Variants in UROC1 observed in about 807,000 individuals in gnomAD.
UROC1 encodes urocanate hydratase 1.
In UROC1, 79 loss-of-function variants were observed where a neutral mutation model predicts 89.5. The ratio of observed to expected loss-of-function variants is 0.88; its 90% CI spans 0.74 to 1.06. UROC1 has a LOEUF of 1.06. UROC1 is among the 50% of genes least tolerant of loss of function. UROC1 has a pLI of 0.00. For missense variants in UROC1, 885 were observed against 907.8 expected, an observed-to-expected ratio of 0.97 and a Z score of 0.32; for synonymous variants, 361 against 354.8, an observed-to-expected ratio of 1.02 and a Z score of -0.20.
At chr3:126,506,326 C>T (rs1209052583) in intron 6 of UROC1, among the ~76,000 whole-genome samples, 1 of 152,194 alleles carries the variant, frequency 6.6e-6, no homozygotes, top group Non-Finnish European at 1.5e-5. Context: ...GCCCACACTA[C>T]ATGCTTACGC....
Position 126,510,697 on chromosome 3 carries a change from T to C in UROC1, c.224A>G (p.Tyr75Cys), listed in dbSNP as rs146872522. The C allele has an allele frequency of 2.7e-5, 44 of 1,614,068 alleles. No individual in the cohort carries two copies. Among genetic ancestry groups the C allele is most frequent in the Non-Finnish European group, 3.6e-5 (42 of 1,180,050 alleles). The change falls in exon 2 of 20, where the codon TAC (tyrosine) becomes TGC (cysteine). Residue 75 changes from tyrosine (Y) to cysteine (C), a missense_variant. Tyr to Cys is a radical substitution (Grantham distance 194). Coordinates refer to ENST00000290868, the MANE Select transcript of UROC1 (RefSeq NM_144639.3). ...AQELQLYGHI[Y>C]MYRFCPDIEM... is the part of the protein sequence containing the mutation. ...AATGTCGGGGCAAAACCGGTACATGTAGATGTGTCCGTACAGTTGCAGCTC... is the reference window on the plus strand; with the variant it reads ...AATGTCGGGGCAAAACCGGTACATGCAGATGTGTCCGTACAGTTGCAGCTC...
rs758990066 is a variant in UROC1 at position 126,505,706 on chromosome 3, C to T, written c.808G>A (p.Ala270Thr). Residue 270 changes from alanine to threonine, a missense_variant, in exon 8 of 20, where the codon GCA becomes ACA. Ala to Thr is a moderately conservative substitution (Grantham distance 58, BLOSUM62 0). Transcript: ENST00000290868. ...CCAGGAGCCCCCCAGCTTACCTCTG[C>T]TATCACACCGATGCACCCCACGATG... ...AVIVGCIGVI[A>T]EVDKAALEKR... 33 of 1,613,718 alleles carry T rather than the reference C, an allele frequency of 2.0e-5. No individual in the cohort carries two copies. The highest frequency in any genetic ancestry group is 2.8e-5 in the Non-Finnish European group (33 of 1,179,968).
In UROC1 at chr3:126,510,759, C is replaced by T. The variant is rs557996880; in HGVS notation, c.162G>A (p.Pro54=). ...CTGGGGCCAGCAGCTCCTGGACATC[C>T]GGGGGGAAGTAGCGCAGGGCGTTCC... The part of the protein sequence containing the change: ...ALRNALRYFP[P]DVQELLAPEF... Residue 54 remains proline, a synonymous_variant, in exon 2 of 20, where the codon CCG becomes CCA. Coordinates refer to ENST00000290868, the MANE Select transcript of UROC1 (RefSeq NM_144639.3). 7.7e-5 allele frequency: 124 copies of T among 1,614,022 alleles called. 2 individuals are homozygous for T. Among genetic ancestry groups the T allele is most frequent in the South Asian group, 4.2e-4 (38 of 91,082 alleles).
At chr3:126,500,945 G>A (rs1389016526) in intron 10 of UROC1, 71 bp from the exon 11 acceptor site, 7 of 1,579,068 alleles carry the variant, frequency 4.4e-6, no homozygotes, top group Non-Finnish European at 6.0e-6. Flanking sequence ...CCAGCCAGGT[G>A]GGGACCCTAG....
At chr3:126,484,522 T>G (rs1935468400) in intron 18 of UROC1, among the ~76,000 whole-genome samples, 1 of 152,240 alleles carries the variant, frequency 6.6e-6, no homozygotes, top group Non-Finnish European at 1.5e-5. Flanking sequence ...CTAGTTTCCC[T>G]TGTCTCAAAT....
At position 126,497,930 on chromosome 3, in the gene UROC1, A is replaced by G. The variant is rs1014293356; in HGVS notation, c.1438+121T>C. The G allele has an allele frequency of 3.9e-4, 610 of 1,567,760 alleles. 3 individuals carry two copies. The highest frequency in any genetic ancestry group is 1.8e-4 in the Admixed American group (11 of 59,794). ...GAGCACCCACCAGACTCACAAAGTC[A>G]TCTGCGCCCAGGTTCCCTCCCAGAA... On this transcript the variant is annotated intron_variant, in intron 14 of 19. Coordinates refer to ENST00000290868, the MANE Select transcript of UROC1 (RefSeq NM_144639.3).
intron 14 of UROC1, among the ~76,000 whole-genome samples, chr3:126,496,416 T>C (rs1035339306): frequency 1.3e-5 from 2 of 152,188 alleles, no homozygotes; most frequent in Non-Finnish European, 2.9e-5. Context: ...AAGACCGCTG[T>C]GGGCCGTGAG....
chr3:126,499,359 A>C lies in UROC1; in HGVS notation c.1294T>G (p.Ser432Ala). Reference protein sequence around the residue: ...GAGRTEFRYPSYVQHIMGDIF... With the variant: ...GAGRTEFRYPAYVQHIMGDIF... ...CACCCCATGATGTGCTGCACATAGG[A>C]AGGGTAGCGGAACTCTGTCCTGCCA... is the stretch of plus-strand genomic sequence containing the variant. Residue 432 changes from serine (S) to alanine (A), a missense_variant, in exon 13 of 20, where the codon TCC (serine) becomes GCC (alanine). Coordinates refer to ENST00000290868, the MANE Select transcript of UROC1 (RefSeq NM_144639.3). 2 of 1,611,764 alleles carry C rather than the reference A, an allele frequency of 1.2e-6. No homozygotes were observed. The highest frequency in any genetic ancestry group is 1.7e-6 in the Non-Finnish European group (2 of 1,179,582).
Position 126,483,401 on chromosome 3 carries a change from T to C in UROC1, c.1858A>G (p.Arg620Gly), listed in dbSNP as rs753035060. 4 of 1,613,670 alleles carry C rather than the reference T, an allele frequency of 2.5e-6. No individual in the cohort carries two copies. Among genetic ancestry groups the C allele is most frequent in the Non-Finnish European group, 3.4e-6 (4 of 1,180,038 alleles). The change falls in exon 19 of 20, where the codon AGG (arginine) becomes GGG (glycine). Residue 620 changes from arginine (R) to glycine (G), a missense_variant. Transcript: ENST00000290868. ...GAGACATCCCAGCTGAGCATCAGCCTGGCTCTCCCCTCGGCCTCCGGGGTA... is the reference window on the plus strand; with the variant it reads ...GAGACATCCCAGCTGAGCATCAGCCCGGCTCTCCCCTCGGCCTCCGGGGTA... ...DGTPEAEGRA[R>G]LMLSWDVSNG...
At position 126,500,209 on chromosome 3, in the gene UROC1, T is replaced by C. The variant is rs924541356; in HGVS notation, c.1146-55A>G. 7 of 1,570,766 alleles carry C rather than the reference T, an allele frequency of 4.5e-6. No homozygotes were observed. In the Admixed American group the frequency reaches 5.1e-5, roughly 11 times the overall value. On this transcript the variant is annotated intron_variant, in intron 11 of 19. Coordinates refer to ENST00000290868, the MANE Select transcript of UROC1 (RefSeq NM_144639.3). ...CTGTGAGGCCCTGGGGCCTCCCCAA[T>C]GTGGCACCCTCAGTCGCACCCGCCA...
At chr3:126,501,169 G>C in intron 10 of UROC1, 49 bp downstream of exon 10, 2 of 1,598,562 alleles carry the variant, frequency 1.3e-6, no homozygotes, top group South Asian at 2.2e-5. Context: ...TGCTCAGGGG[G>C]CCCCATCTGG....
At chr3:126,497,913 A>G in intron 14 of UROC1, 138 bp downstream of exon 14, 1 of 1,470,236 alleles carries the variant, frequency 6.8e-7, no homozygotes, top group Non-Finnish European at 9.4e-7. Flanking sequence ...CTGAGCACCC[A>G]CCAGACTCAC....
chr3:126,501,822 C>T (rs367572150), intron 9 of UROC1: 33 of 1,599,412 alleles, frequency 2.1e-5, no homozygotes, highest in Admixed American at 8.3e-5. Context: ...TGGAGAAGCC[C>T]GAGGGAGCCA....
rs1935770404 is a variant in UROC1 at position 126,496,098 on chromosome 3, A to G, written c.1449T>C (p.Ser483=). The G allele has an allele frequency of 1.9e-6, 3 of 1,613,150 alleles. No homozygotes were observed. Among genetic ancestry groups the G allele is most frequent in the Non-Finnish European group, 2.5e-6 (3 of 1,179,892 alleles). The stretch of plus-strand genomic sequence containing the variant: ...TGTTGTCCATGTACTGCAGCTTCAC[A>G]GACACCTTCACTGCAGGAGAGAGGA... The part of the protein sequence containing the change: ...EEAIADGVKV[S]VKLQYMDNIR... The change falls in exon 15 of 20, where the codon TCT becomes TCC. Residue 483 remains serine (S), a synonymous_variant. Transcript: ENST00000290868.
In UROC1 at chr3:126,496,060, C is replaced by G; in HGVS notation, c.1487G>C (p.Arg496Pro). ...LQYMDNIRWI[R>P]EAARHRLVVG... ...CACCAGCCGGTGCCTGGCGGCCTCC[C>G]GGATCCAGCGGATGTTGTCCATGTA... Residue 496 changes from arginine to proline, a missense_variant, in exon 15 of 20, where the codon CGG (arginine) becomes CCG (proline). Arg to Pro is a moderately radical substitution (Grantham distance 103, BLOSUM62 -2). Transcript: ENST00000290868. 6.2e-7 allele frequency: 1 copy of G among 1,613,346 alleles called. No homozygotes were observed. Among genetic ancestry groups the G allele is most frequent in the Non-Finnish European group, 8.5e-7 (1 of 1,179,974 alleles).
chr3:126,481,179 T>C lies in UROC1; in HGVS notation c.*1166A>G, dbSNP rs1260694507. On this transcript the variant is annotated 3_prime_UTR_variant, in exon 20 of 20. Coordinates refer to ENST00000290868, the MANE Select transcript of UROC1 (RefSeq NM_144639.3). Reference sequence around the variant, plus strand: ...AAGCAACCCCGCTGGATCTGTCCATTTTATTAGAAAAACGACGGCTCTCAA... The same window carrying C: ...AAGCAACCCCGCTGGATCTGTCCATCTTATTAGAAAAACGACGGCTCTCAA... 1.3e-5 allele frequency: 2 copies of C among 152,020 alleles called. No individual in the cohort carries two copies. Among genetic ancestry groups the C allele is most frequent in the Non-Finnish European group, 2.9e-5 (2 of 68,000 alleles). 9.4% of individuals were successfully genotyped at this position (152,020 alleles called of 1,614,324 possible). A position where few individuals can be genotyped will look rare whatever the true frequency, so the allele number is the denominator to read the frequency against.
rs781750866 is a variant in UROC1, at chr3:126,483,472, C to A, written c.1791-4G>T. The A allele has an allele frequency of 1.2e-6, 2 of 1,613,484 alleles. No homozygotes were observed. Among genetic ancestry groups the A allele is most frequent in the African/African-American group, 2.7e-5 (2 of 74,946 alleles). On this transcript the variant is annotated splice_polypyrimidine_tract_variant and splice_region_variant and intron_variant, in intron 18 of 19. Coordinates refer to ENST00000290868, the MANE Select transcript of UROC1 (RefSeq NM_144639.3). The stretch of plus-strand genomic sequence containing the variant: ...TCCCCCGTTGATCACCTCACCCCTG[C>A]AGGAGGCAGAGGAGTTTCCAGTTCA...
intron 18 of UROC1, among the ~76,000 whole-genome samples, chr3:126,486,258 C>A (rs1161741319): frequency 6.6e-6 from 1 of 152,268 alleles, no homozygotes; most frequent in Non-Finnish European, 1.5e-5. Flanking sequence ...GACCCTCTCA[C>A]ATGTGAGGCC....
At chr3:126,491,935 C>T (rs767293932) in intron 16 of UROC1, among the ~76,000 whole-genome samples, 3 of 152,178 alleles carry the variant, frequency 2.0e-5, no homozygotes, top group African/African-American at 7.2e-5. Context: ...CAAGGTCACA[C>T]AGCAGGGAAC....
Sources: gnomAD v4.1 joint callset for allele counts (sites outside exome capture counted in the v4.1 genomes callset) on GRCh38, gnomAD v4.1.1 for gene constraint, MANE v1.5 for transcripts, NCBI Gene and HGNC (gene_info 2026-07-23, HGNC 2026-07-21) for gene names.